The following TNIK variants were observed in gnomAD, a reference collection of about 807,000 sequenced individuals.
TNIK encodes the protein TRAF2 and NCK-interacting protein kinase.
Under a neutral mutation model 191.3 loss-of-function variants are expected in TNIK, and 49 were observed. The observed-to-expected ratio is 0.26, with a 90% confidence interval of 0.20 to 0.32. The LOEUF is 0.32. TNIK is among the 10% of genes least tolerant of loss of function. TNIK has a pLI of 1.00. For missense variants in TNIK, 1,155 were observed against 1,702.3 expected (o/e 0.68, Z 5.66); for synonymous variants, 594 against 600.9 (o/e 0.99, Z 0.17).
intron 28 of TNIK, among the ~76,000 whole-genome samples, chr3:171,075,106 A>C (rs1719724198): frequency 6.6e-6 from 1 of 152,244 alleles, no homozygotes; most frequent in East Asian, 1.9e-4. Context: ...TATGCAAGAG[A>C]TAATATTCAG....
intron 15 of TNIK, among the ~76,000 whole-genome samples, chr3:171,130,335 T>C (rs550700975): frequency 6.6e-6 from 1 of 151,830 alleles, no homozygotes; most frequent in African/African-American, 2.4e-5. Flanking sequence ...TAGTGAGGAG[T>C]AATTTGAACA....
At chr3:171,248,027 G>A (rs1458105961) in intron 2 of TNIK, among the ~76,000 whole-genome samples, 1 of 152,168 alleles carries the variant, frequency 6.6e-6, no homozygotes. Flanking sequence ...CAAGGGAGGA[G>A]ACAACAGAAA....
chr3:171,361,632 G>C (rs144129747), intron 2 of TNIK, among the ~76,000 whole-genome samples: 1 of 152,030 alleles, frequency 6.6e-6, no homozygotes, highest in Non-Finnish European at 1.5e-5. Context: ...TTTAATTCTA[G>C]CAAAACTACA....
At chr3:171,227,540 G>T (rs998223054) in intron 3 of TNIK, among the ~76,000 whole-genome samples, 3 of 152,106 alleles carry the variant, frequency 2.0e-5, no homozygotes, top group Non-Finnish European at 4.4e-5. Context: ...ATCTGTGGTT[G>T]TGTTTATGTA....
intron 18 of TNIK, among the ~76,000 whole-genome samples, chr3:171,118,807 T>G (rs1394392049): frequency 1.3e-5 from 2 of 152,178 alleles, no homozygotes; most frequent in East Asian, 3.8e-4. Context: ...ATTAAAGACT[T>G]AAATGTTAGA....
intron 1 of TNIK, among the ~76,000 whole-genome samples, chr3:171,403,723 C>T (rs1379503682): frequency 6.6e-6 from 1 of 151,414 alleles, no homozygotes; most frequent in Admixed American, 6.6e-5. Context: ...CAGCAACTTA[C>T]AGGAGATGGA....
chr3:171,407,348 C>A (rs1031209217), intron 1 of TNIK, among the ~76,000 whole-genome samples: 3 of 152,138 alleles, frequency 2.0e-5, no homozygotes, highest in Non-Finnish European at 4.4e-5. Flanking sequence ...TTCTATTAAC[C>A]TTCCAGAGTT....
intron 11 of TNIK, among the ~76,000 whole-genome samples, chr3:171,161,057 G>A (rs989758278): frequency 6.6e-6 from 1 of 152,264 alleles, no homozygotes; most frequent in East Asian, 1.9e-4. Flanking sequence ...AATCTTGGGG[G>A]ACAAGATAAA....
chr3:171,148,308 C>T (rs772696719), intron 12 of TNIK, among the ~76,000 whole-genome samples: 94 of 152,316 alleles, frequency 6.2e-4, no homozygotes, highest in African/African-American at 1.9e-3. Context: ...CTTCACGAAG[C>T]GGTGCAGAAG....
intron 1 of TNIK, among the ~76,000 whole-genome samples, chr3:171,410,528 C>G (rs1383537700): frequency 3.3e-5 from 5 of 152,022 alleles, no homozygotes; most frequent in Non-Finnish European, 7.4e-5. Context: ...GCCTGTAATC[C>G]CAGCACTTTG....
intron 1 of TNIK, among the ~76,000 whole-genome samples, chr3:171,381,060 A>G (rs918220015): frequency 6.6e-6 from 1 of 151,424 alleles, no homozygotes; most frequent in African/African-American, 2.4e-5. Context: ...ATTTGCATCT[A>G]TTTTTTTTTC....
chr3:171,233,670 G>C (rs914304249), intron 2 of TNIK, among the ~76,000 whole-genome samples: 1 of 152,210 alleles, frequency 6.6e-6, no homozygotes, highest in African/African-American at 2.4e-5. Context: ...TGTGGGAATG[G>C]ACAGGAGGCC....
intron 1 of TNIK, among the ~76,000 whole-genome samples, chr3:171,426,539 G>A (rs903913180): frequency 3.3e-5 from 5 of 151,582 alleles, no homozygotes; most frequent in African/African-American, 4.8e-5. Context: ...ATGTACCCTA[G>A]AACTTAAAGT....
chr3:171,171,282 A>G (rs1409974484), intron 9 of TNIK, among the ~76,000 whole-genome samples: 7 of 152,218 alleles, frequency 4.6e-5, no homozygotes, highest in African/African-American at 1.7e-4. Context: ...TCAGTCTAGT[A>G]GAAGGAATTT....
intron 2 of TNIK, among the ~76,000 whole-genome samples, chr3:171,350,426 A>G (rs1030585260): frequency 6.6e-6 from 1 of 152,126 alleles, no homozygotes; most frequent in Non-Finnish European, 1.5e-5. Flanking sequence ...AAAGCTCTCT[A>G]TGACATTTGA....
intron 4 of TNIK, among the ~76,000 whole-genome samples, chr3:171,205,015 GATAAT>G (rs1207650581): frequency 6.6e-6 from 1 of 152,142 alleles, no homozygotes; most frequent in Admixed American, 6.5e-5. Flanking sequence ...AATCTAATAA[GATAAT>G]ATGACAAAGT....
At chr3:171,373,706 A>G (rs4894425) in intron 1 of TNIK, among the ~76,000 whole-genome samples, 80,949 of 152,000 alleles carry the variant, frequency 0.53, 22,239 homozygotes, top group East Asian at 0.74. Flanking sequence ...ATCATTCTGT[A>G]CTATAACCAA....
intron 1 of TNIK, among the ~76,000 whole-genome samples, chr3:171,376,682 G>GGT: frequency 6.7e-6 from 1 of 149,580 alleles, no homozygotes. Context: ...GCCCAAAGAA[G>GGT]TCATCTCAAC....
chr3:171,283,596 A>C lies in TNIK; in HGVS notation c.124-55375T>G, dbSNP rs141667476. On this transcript the variant is annotated intron_variant, in intron 2 of 32. Coordinates refer to ENST00000436636, the MANE Select transcript of TNIK (RefSeq NM_015028.4). ...CCAACCTGGCTCCTGCCCCCTGTGA[A>C]CCAAGGAAAAGTGGAAATCTAATTC... Among the ~76,000 whole-genome samples the C allele has an allele frequency of 4.1e-3, 618 of 152,280 alleles. 2 individuals carry two copies. Among genetic ancestry groups the C allele is most frequent in the African/African-American group, 0.014 (595 of 41,540 alleles).
Sources: allele counts gnomAD v4.1 joint callset (sites outside exome capture counted in the v4.1 genomes callset), GRCh38; gene constraint gnomAD v4.1.1; transcripts MANE v1.5; gene names NCBI Gene and HGNC (gene_info 2026-07-23, HGNC 2026-07-21).